DCC: variants seen among roughly 807,000 people sequenced by gnomAD.
DCC encodes netrin receptor DCC.
Under a neutral mutation model 172.5 loss-of-function variants are expected in DCC, and 58 were observed. The observed-to-expected ratio is 0.34, with a 90% confidence interval of 0.27 to 0.42. DCC has a LOEUF of 0.42. Among genes scored for constraint, DCC ranks in the 10% least tolerant of loss-of-function variants. The pLI is 1.00. For missense variants in DCC, 1,740 were observed against 1,791.0 expected, an observed-to-expected ratio of 0.97 and a Z score of 0.51; for synonymous variants, 709 against 644.5, an observed-to-expected ratio of 1.10 and a Z score of -1.52.
chr18:53,194,453 T>G (rs2144520391), intron 9 of DCC, among the ~76,000 whole-genome samples: 1 of 151,904 alleles, frequency 6.6e-6, no homozygotes, highest in African/African-American at 2.4e-5. Context: ...GGTTTTTTGT[T>G]GTTGTTGTTT....
intron 19 of DCC, among the ~76,000 whole-genome samples, chr18:53,403,440 A>G (rs2145038912): frequency 1.3e-5 from 2 of 152,368 alleles, no homozygotes; most frequent in East Asian, 3.9e-4. Context: ...TTTCACAGTG[A>G]CAGATTTTAT....
intron 1 of DCC, among the ~76,000 whole-genome samples, chr18:52,741,875 AG>A (rs1390057018): frequency 6.6e-6 from 1 of 152,160 alleles, no homozygotes; most frequent in African/African-American, 2.4e-5. Context: ...TGCATCCCCC[AG>A]AATTCATGTA....
intron 5 of DCC, among the ~76,000 whole-genome samples, chr18:52,969,582 C>CCCCTCTCTCTCTCT (rs1555689589): frequency 1.2e-5 from 1 of 80,062 alleles, no homozygotes; most frequent in Non-Finnish European, 2.5e-5. Context: ...GCCCCGCCCC[C>CCCCTCTCTCTCTCT]CACTCTCTCT....
intron 1 of DCC, among the ~76,000 whole-genome samples, chr18:52,716,818 A>G (rs1479153338): frequency 6.6e-6 from 1 of 152,196 alleles, no homozygotes; most frequent in Non-Finnish European, 1.5e-5. Flanking sequence ...CTACTATTTC[A>G]GTGATAGGTA....
intron 5 of DCC, among the ~76,000 whole-genome samples, chr18:53,042,701 T>C (rs977736278): frequency 2.0e-5 from 3 of 151,906 alleles, no homozygotes; most frequent in African/African-American, 7.2e-5. Flanking sequence ...AACAAACACA[T>C]GAAGAAAAGC....
At chr18:52,435,307 G>A (rs1598816002) in intron 1 of DCC, among the ~76,000 whole-genome samples, 1 of 151,970 alleles carries the variant, frequency 6.6e-6, no homozygotes, top group East Asian at 1.9e-4. Flanking sequence ...GTGCACGTGT[G>A]TGTGTGCTAA....
chr18:52,970,047 A>G (rs1486231820), intron 5 of DCC, among the ~76,000 whole-genome samples: 1 of 152,126 alleles, frequency 6.6e-6, no homozygotes, highest in Non-Finnish European at 1.5e-5. Context: ...CTTAATAAAG[A>G]ATTATGATTT....
intron 1 of DCC, among the ~76,000 whole-genome samples, chr18:52,411,955 T>G (rs1986858496): frequency 6.6e-6 from 1 of 152,108 alleles, no homozygotes; most frequent in Non-Finnish European, 1.5e-5. Context: ...AGTGCCTCAT[T>G]AGCTTGGAAT....
chr18:53,185,991 G>T lies in DCC; in HGVS notation c.1573+6875G>T, dbSNP rs191610707. Among the ~76,000 whole-genome samples, 4 of 152,180 alleles carry T rather than the reference G, an allele frequency of 2.6e-5. No homozygotes were observed. In the East Asian group the frequency reaches 7.7e-4, roughly 29 times the overall value. ...CTGGAAAAATACATAAGCATCTTCC[G>T]AAGTTCAACTGAAAGTGAAGGACAT... On this transcript the variant is annotated intron_variant, in intron 9 of 28. Transcript: ENST00000442544.
chr18:52,359,395 A>G (rs1984520414), intron 1 of DCC, among the ~76,000 whole-genome samples: 1 of 152,222 alleles, frequency 6.6e-6, no homozygotes, highest in Non-Finnish European at 1.5e-5. Context: ...CATTTTAAGT[A>G]GCAATGTGCT....
intron 5 of DCC, among the ~76,000 whole-genome samples, chr18:52,979,601 G>A (rs1009188663): frequency 6.6e-6 from 1 of 152,142 alleles, no homozygotes; most frequent in Admixed American, 6.5e-5. Context: ...TAGGTTCCAA[G>A]CAAAAACACC....
chr18:53,112,108 A>G (rs1267912174), intron 7 of DCC, among the ~76,000 whole-genome samples: 1 of 151,492 alleles, frequency 6.6e-6, no homozygotes, highest in Non-Finnish European at 1.5e-5. Flanking sequence ...ACAAATCAAA[A>G]CCAAAAAGCC....
chr18:52,669,660 A>C (rs1004758230), intron 1 of DCC, among the ~76,000 whole-genome samples: 9 of 152,124 alleles, frequency 5.9e-5, no homozygotes, highest in African/African-American at 1.9e-4. Context: ...TTGTTTATTC[A>C]TTTATTCAAA....
intron 7 of DCC, among the ~76,000 whole-genome samples, chr18:53,105,136 C>G (rs1195836848): frequency 6.6e-6 from 1 of 151,978 alleles, no homozygotes; most frequent in African/African-American, 2.4e-5. Flanking sequence ...CTTGGAAAAA[C>G]AGGGTGAGAA....
intron 1 of DCC, among the ~76,000 whole-genome samples, chr18:52,456,375 C>T (rs1988457329): frequency 6.6e-6 from 1 of 152,048 alleles, no homozygotes; most frequent in Admixed American, 6.5e-5. Context: ...TTTCCTGTTG[C>T]TTTCCTGAGT....
chr18:53,418,856 C>T (rs2145073004), intron 21 of DCC, among the ~76,000 whole-genome samples: 1 of 152,272 alleles, frequency 6.6e-6, no homozygotes, highest in East Asian at 1.9e-4. Flanking sequence ...AGGCAATTAA[C>T]ATAGAACCCC....
intron 1 of DCC, among the ~76,000 whole-genome samples, chr18:52,435,392 T>C (rs909129284): frequency 1.3e-5 from 2 of 152,140 alleles, no homozygotes; most frequent in Middle Eastern, 3.2e-3. Context: ...GCCTTTTCCA[T>C]GGGTGGGGTA....
intron 1 of DCC, among the ~76,000 whole-genome samples, chr18:52,350,223 C>T (rs1984058037): frequency 6.6e-6 from 1 of 152,192 alleles, no homozygotes; most frequent in Non-Finnish European, 1.5e-5. Context: ...GTGACAGGCA[C>T]ACACAGAGGT....
chr18:52,536,042 A>G (rs1278432554), intron 1 of DCC, among the ~76,000 whole-genome samples: 1 of 152,186 alleles, frequency 6.6e-6, no homozygotes, highest in African/African-American at 2.4e-5. Flanking sequence ...TTTCAAACAC[A>G]AGATCAGACA....
Sources: allele counts gnomAD v4.1 joint callset (sites outside exome capture counted in the v4.1 genomes callset), GRCh38; gene constraint gnomAD v4.1.1; transcripts MANE v1.5; gene names NCBI Gene and HGNC (gene_info 2026-07-23, HGNC 2026-07-21).